Variants in NPNT observed in about 807,000 individuals in gnomAD.
The protein encoded by NPNT is nephronectin, also known as preosteoblast EGF-like repeat protein with MAM domain.
NPNT carries 45 observed loss-of-function variants against 68.6 expected under a neutral mutation model. The observed-to-expected ratio is 0.66, with a 90% CI of 0.52 to 0.84. The LOEUF (loss-of-function observed/expected upper bound fraction) is 0.84, where lower values mean the gene tolerates loss of function less well. Among genes scored for constraint, NPNT ranks in the 40% least tolerant of loss-of-function variants. The pLI, the probability that NPNT is intolerant of heterozygous loss-of-function variation, is 0.00. For missense variants in NPNT, 672 were observed against 714.8 expected (o/e 0.94, Z 0.68); for synonymous variants, 233 against 253.3 (o/e 0.92, Z 0.76).
intron 2 of NPNT, among the ~76,000 whole-genome samples, chr4:105,918,390 CCTG>C (rs1351622951): frequency 2.2e-4 from 33 of 152,034 alleles, no homozygotes; most frequent in African/African-American, 7.7e-4. Context: ...CTTTAGCAAA[CCTG>C]CTCAAAATTA....
chr4:105,910,346 G>A (rs1368969851), intron 2 of NPNT, among the ~76,000 whole-genome samples: 1 of 152,174 alleles, frequency 6.6e-6, no homozygotes. Context: ...AACTACCTGA[G>A]TAGCTTTGCT....
At chr4:105,937,232 A>G in intron 4 of NPNT, 104 bp downstream of exon 4, 1 of 1,140,874 alleles carries the variant, frequency 8.8e-7, no homozygotes, top group Non-Finnish European at 1.3e-6. Context: ...CTCCTAAACA[A>G]GATGTGTGCG....
intron 2 of NPNT, among the ~76,000 whole-genome samples, chr4:105,899,273 A>G (rs1004364534): frequency 2.8e-4 from 42 of 152,198 alleles, no homozygotes; most frequent in African/African-American, 1.0e-3. Flanking sequence ...TTTGAGAACC[A>G]ACAGATTCTA....
intron 3 of NPNT, among the ~76,000 whole-genome samples, chr4:105,933,158 T>C (rs1729247815): frequency 6.6e-6 from 1 of 152,138 alleles, no homozygotes; most frequent in Non-Finnish European, 1.5e-5. Context: ...TTGTGTAACA[T>C]CAGATAGCCT....
chr4:105,949,438 T>C (rs1730639508), intron 8 of NPNT, among the ~76,000 whole-genome samples: 1 of 152,114 alleles, frequency 6.6e-6, no homozygotes. Context: ...TGGGTTGATC[T>C]TGGATTTAGG....
intron 2 of NPNT, among the ~76,000 whole-genome samples, chr4:105,903,804 A>C (rs1427159796): frequency 9.6e-6 from 1 of 104,438 alleles, no homozygotes. Context: ...TTTTTTTTTG[A>C]GATAGGGTCT....
At chr4:105,967,466 G>A (rs758506253) in intron 11 of NPNT, 22 bp downstream of exon 11, 2 of 1,525,408 alleles carry the variant, frequency 1.3e-6, no homozygotes, top group Non-Finnish European at 1.8e-6. Flanking sequence ...CACAAAGGAG[G>A]CAGGACCTGG....
At chr4:105,912,023 T>A in intron 2 of NPNT, 1 of 600,258 alleles carries the variant, frequency 1.7e-6, no homozygotes, top group Admixed American at 3.1e-5. Flanking sequence ...GTGACTAAAA[T>A]ATTACTATTT....
At chr4:105,926,498 C>T (rs1317456920) in intron 2 of NPNT, among the ~76,000 whole-genome samples, 1 of 152,200 alleles carries the variant, frequency 6.6e-6, no homozygotes, top group Non-Finnish European at 1.5e-5. Flanking sequence ...CAGTAGTATC[C>T]TCTCCCTAGT....
chr4:105,933,147 A>G (rs915215145), intron 3 of NPNT, among the ~76,000 whole-genome samples: 1 of 152,156 alleles, frequency 6.6e-6, no homozygotes, highest in Non-Finnish European at 1.5e-5. Flanking sequence ...TTTGGTATAC[A>G]TTGTGTAACA....
chr4:105,957,172 C>T (rs1731299112), intron 8 of NPNT, among the ~76,000 whole-genome samples: 1 of 152,134 alleles, frequency 6.6e-6, no homozygotes, highest in Non-Finnish European at 1.5e-5. Context: ...CCACCATGAA[C>T]ATTCCCACGC....
intron 2 of NPNT, among the ~76,000 whole-genome samples, chr4:105,920,395 T>TAAAAAAAAAAAAAAAAA (rs11355483): frequency 3.5e-4 from 28 of 79,458 alleles, no homozygotes; most frequent in African/African-American, 1.2e-3. Flanking sequence ...GTTACTCTAC[T>TAAAAAAAAAAAAAAAAA]AAAAAAAAAA....
chr4:105,952,557 TAAAC>T (rs999154458), intron 8 of NPNT, among the ~76,000 whole-genome samples: 2 of 152,054 alleles, frequency 1.3e-5, no homozygotes, highest in Admixed American at 1.3e-4. Flanking sequence ...TAAAATAAAA[TAAAC>T]AAAATAATCT....
intron 2 of NPNT, among the ~76,000 whole-genome samples, chr4:105,919,508 A>G (rs1728078317): frequency 6.6e-6 from 1 of 152,250 alleles, no homozygotes; most frequent in Non-Finnish European, 1.5e-5. Context: ...TTTTTGATCC[A>G]GATCCAATTA....
intron 10 of NPNT, among the ~76,000 whole-genome samples, chr4:105,963,465 A>G (rs1731891382): frequency 6.6e-6 from 1 of 152,168 alleles, no homozygotes; most frequent in Non-Finnish European, 1.5e-5. Flanking sequence ...AAATAAGTGC[A>G]TTTGCTAGCT....
At chr4:105,955,956 G>T (rs1037957410) in intron 8 of NPNT, among the ~76,000 whole-genome samples, 1 of 152,056 alleles carries the variant, frequency 6.6e-6, no homozygotes, top group Non-Finnish European at 1.5e-5. Flanking sequence ...TAGCTTCTGA[G>T]CACTTCTGGT....
chr4:105,917,897 T>G (rs1727947693), intron 2 of NPNT, among the ~76,000 whole-genome samples: 1 of 152,164 alleles, frequency 6.6e-6, no homozygotes, highest in Non-Finnish European at 1.5e-5. Context: ...ATGCTGAGTG[T>G]TTGAAATAGT....
chr4:105,933,873 A>G (rs1729315648), intron 3 of NPNT, among the ~76,000 whole-genome samples: 1 of 152,202 alleles, frequency 6.6e-6, no homozygotes, highest in Non-Finnish European at 1.5e-5. Context: ...ACAATAGTAG[A>G]TGCACTTTAA....
At chr4:105,931,368 A>T (rs1407796076) in intron 3 of NPNT, among the ~76,000 whole-genome samples, 2 of 152,120 alleles carry the variant, frequency 1.3e-5, no homozygotes, top group African/African-American at 4.8e-5. Context: ...TCATATGTTG[A>T]ATTCTTTATC....
Sources: gnomAD v4.1 joint callset for allele counts (sites outside exome capture counted in the v4.1 genomes callset) on GRCh38, gnomAD v4.1.1 for gene constraint, MANE v1.5 for transcripts, NCBI Gene and HGNC (gene_info 2026-07-23, HGNC 2026-07-21) for gene names.